The following ADGRL2 variants were observed in gnomAD, a reference collection of about 807,000 sequenced individuals.
ADGRL2 encodes the protein adhesion G protein-coupled receptor L2, also known as calcium-independent alpha-latrotoxin receptor 2.
A neutral mutation model predicts 157.4 loss-of-function variants in ADGRL2; 44 were observed. The ratio of observed to expected loss-of-function variants is 0.28; its 90% confidence interval spans 0.22 to 0.36. ADGRL2 has a LOEUF of 0.36. Among genes scored for constraint, ADGRL2 ranks in the 10% least tolerant of loss-of-function variants. The probability of loss-of-function intolerance (pLI) is 1.00; values close to 1 mark genes in which losing one functional copy is unlikely to be tolerated. For synonymous variants in ADGRL2, 585 were observed against 624.7 expected, an observed-to-expected ratio of 0.94 and a Z score of 0.95; for missense variants, 1,510 against 1,768.9, an observed-to-expected ratio of 0.85 and a Z score of 2.63.
chr1:81,951,187 T>G, intron 8 of ADGRL2, 66 bp downstream of exon 8: 3 of 1,125,142 alleles, frequency 2.7e-6, no homozygotes, highest in African/African-American at 1.5e-5. Context: ...CATAAATAAT[T>G]TAGCTTTGTG....
intron 1 of ADGRL2, among the ~76,000 whole-genome samples, chr1:81,735,486 G>A (rs1244971285): frequency 6.6e-6 from 1 of 151,892 alleles, no homozygotes; most frequent in Non-Finnish European, 1.5e-5. Flanking sequence ...TGAAGAAACT[G>A]AGGCTTAAAG....
chr1:81,601,292 TG>T (rs2081329525), intron 3 of ADGRL2, among the ~76,000 whole-genome samples: 1 of 152,212 alleles, frequency 6.6e-6, no homozygotes, highest in Admixed American at 6.5e-5. Flanking sequence ...TCTTTTAATT[TG>T]TTTGTGATGT....
At chr1:81,736,451 C>T (rs1009031394) in intron 1 of ADGRL2, among the ~76,000 whole-genome samples, 1 of 152,076 alleles carries the variant, frequency 6.6e-6, no homozygotes, top group Non-Finnish European at 1.5e-5. Context: ...TTATTTATTT[C>T]CTGGATAATT....
In ADGRL2 at chr1:81,343,087, C is replaced by CTTTTTTTTTT. The variant is rs764039251; in HGVS notation, c.-302+36582_-302+36583insTTTTTTTTTT. ...TTTTTCTTTTCTTTTTTTCTTTTTT[C>CTTTTTTTTTT]TTTTCTTTTTTTTTTTTTTGAGACA... On this transcript the variant is annotated intron_variant, in intron 1 of 24. Transcript: ENST00000370721. Among the ~76,000 whole-genome samples the CTTTTTTTTTT allele has an allele frequency of 2.4e-4, 31 of 127,488 alleles. 1 individual carries two copies. The highest frequency in any genetic ancestry group is 5.3e-4 in the African/African-American group (18 of 34,076). The allele number at this position is 127,488 out of a possible 152,430, so 83.6% of individuals were successfully genotyped here. A position where few individuals can be genotyped will look rare whatever the true frequency, so the allele number is the denominator to read the frequency against.
chr1:81,400,228 C>G (rs1344559803), intron 1 of ADGRL2, among the ~76,000 whole-genome samples: 3 of 152,030 alleles, frequency 2.0e-5, no homozygotes, highest in Non-Finnish European at 2.9e-5. Context: ...CTGACATGAC[C>G]TACAAGCAGC....
At chr1:81,989,677 C>A (rs1558061502) in intron 23 of ADGRL2, 2 of 1,611,064 alleles carry the variant, frequency 1.2e-6, no homozygotes, top group South Asian at 2.2e-5. Context: ...GCCAGATAGC[C>A]TGAGCAGACA....
chr1:81,400,503 A>C (rs2076733703), intron 1 of ADGRL2, among the ~76,000 whole-genome samples: 1 of 152,048 alleles, frequency 6.6e-6, no homozygotes, highest in Non-Finnish European at 1.5e-5. Context: ...TAGGGAAGAA[A>C]GTGTGCTCTG....
At chr1:81,789,597 G>T (rs2149410940) in intron 2 of ADGRL2, among the ~76,000 whole-genome samples, 1 of 151,280 alleles carries the variant, frequency 6.6e-6, no homozygotes, top group Non-Finnish European at 1.5e-5. Flanking sequence ...GTGGTGGTGG[G>T]CGCCTGTAAT....
chr1:81,729,868 C>T (rs72715747), intron 1 of ADGRL2, among the ~76,000 whole-genome samples: 4 of 152,162 alleles, frequency 2.6e-5, no homozygotes, highest in South Asian at 2.1e-4. Context: ...GCTAAATTTA[C>T]GGGATTGGTC....
intron 2 of ADGRL2, among the ~76,000 whole-genome samples, chr1:81,446,018 A>G (rs1423739687): frequency 6.6e-6 from 1 of 152,140 alleles, no homozygotes; most frequent in Non-Finnish European, 1.5e-5. Context: ...TCAGGTTCTC[A>G]ATTCTTCCAT....
intron 4 of ADGRL2, among the ~76,000 whole-genome samples, chr1:81,939,485 T>C (rs1647192552): frequency 6.6e-6 from 1 of 151,506 alleles, no homozygotes; most frequent in Non-Finnish European, 1.5e-5. Flanking sequence ...TTTTATTTAG[T>C]ATGAAAAATA....
chr1:81,833,658 G>T (rs1160632491), intron 1 of ADGRL2, among the ~76,000 whole-genome samples: 1 of 152,152 alleles, frequency 6.6e-6, no homozygotes, highest in African/African-American at 2.4e-5. Context: ...TTAGTTAGCG[G>T]TGTTGTCCTT....
Position 81,901,583 on chromosome 1 carries a change from T to TA in ADGRL2, c.74-5434_74-5433insA, listed in dbSNP as rs113841883. Among the ~76,000 whole-genome samples the TA allele has an allele frequency of 9.6e-3, 1,344 of 139,686 alleles. 11 individuals are homozygous for TA. The highest frequency in any genetic ancestry group is 0.039 in the Admixed American group (546 of 14,012). The allele number at this position is 139,686 out of a possible 152,430, so 91.6% of individuals were successfully genotyped here. A position where few individuals can be genotyped will look rare whatever the true frequency, so the allele number is the denominator to read the frequency against. Reference sequence around the variant, plus strand: ...AAGGATTAAAACATATATATATATATTTTTTTTTTTGATGATTTCTTCCCG... The same window carrying TA: ...AAGGATTAAAACATATATATATATATATTTTTTTTTTGATGATTTCTTCCCG... On this transcript the variant is annotated intron_variant, in intron 2 of 23. Transcript: ENST00000686636.
At chr1:81,459,808 G>T (rs2077886013) in intron 2 of ADGRL2, among the ~76,000 whole-genome samples, 1 of 82,148 alleles carries the variant, frequency 1.2e-5, no homozygotes, top group South Asian at 5.6e-4. Flanking sequence ...ATATGTATGT[G>T]TTTGTATATA....
intron 2 of ADGRL2, among the ~76,000 whole-genome samples, chr1:81,510,911 A>G (rs1208140671): frequency 6.6e-6 from 1 of 152,204 alleles, no homozygotes; most frequent in South Asian, 2.1e-4. Context: ...ACAAGTTCGC[A>G]CAGGTTTTCA....
chr1:81,546,863 T>C (rs540073194), intron 2 of ADGRL2, among the ~76,000 whole-genome samples: 16 of 152,006 alleles, frequency 1.1e-4, no homozygotes, highest in Non-Finnish European at 1.6e-4. Context: ...CTCCCAGAGG[T>C]GGTCATCTCA....
chr1:81,395,852 A>C (rs2076646170), intron 1 of ADGRL2, among the ~76,000 whole-genome samples: 1 of 152,216 alleles, frequency 6.6e-6, no homozygotes. Context: ...AGTTAGCCGT[A>C]AATATGTGAA....
At chr1:81,725,877 C>T (rs200255829) in intron 1 of ADGRL2, among the ~76,000 whole-genome samples, 1 of 151,718 alleles carries the variant, frequency 6.6e-6, no homozygotes, top group East Asian at 2.0e-4. Flanking sequence ...CCGCTAGTTG[C>T]GGGGCTGAGG....
rs190372510 is a variant in ADGRL2 at position 81,752,452 on chromosome 1, C to T, written c.-142-9359C>T. 6.5e-3 allele frequency among the ~76,000 whole-genome samples: 997 copies of T among 152,268 alleles called. 25 individuals carry two copies. Among genetic ancestry groups the T allele is most frequent in the Admixed American group, 0.041 (627 of 15,292 alleles). On this transcript the variant is annotated intron_variant, in intron 1 of 20. Coordinates refer to the ADGRL2 transcript ENST00000359929. Reference sequence around the variant, plus strand: ...GCATTATAATAATGAAAGAAAAAGGCGCTATACTTTTGTTTCATTTCCAAT... The same window carrying T: ...GCATTATAATAATGAAAGAAAAAGGTGCTATACTTTTGTTTCATTTCCAAT...
Sources: gnomAD v4.1 joint callset for allele counts (sites outside exome capture counted in the v4.1 genomes callset) on GRCh38, gnomAD v4.1.1 for gene constraint, MANE v1.5 for transcripts, NCBI Gene and HGNC (gene_info 2026-07-23, HGNC 2026-07-21) for gene names.